Variants in E2F3 observed in about 807,000 individuals in gnomAD.
E2F3 encodes the protein E2F transcription factor 3, also known as transcription factor E2F3.
E2F3 carries 11 observed loss-of-function variants against 44.4 expected under a neutral mutation model. The observed-to-expected ratio is 0.25, with a 90% confidence interval of 0.16 to 0.41. The LOEUF is 0.41. Among genes scored for constraint, E2F3 ranks in the 10% least tolerant of loss-of-function variants. The pLI is 1.00. For missense variants in E2F3, 487 were observed against 583.6 expected (o/e 0.83, Z 1.70); for synonymous variants, 249 against 253.0 (o/e 0.98, Z 0.15).
chr6:20,463,782 C>T (rs1437114768), intron 1 of E2F3, among the ~76,000 whole-genome samples: 3 of 152,190 alleles, frequency 2.0e-5, no homozygotes, highest in African/African-American at 7.2e-5. Flanking sequence ...TTCAATTCTA[C>T]TTCATCTACC....
chr6:20,416,325 A>AT (rs1268866387), intron 1 of E2F3, among the ~76,000 whole-genome samples: 75 of 152,078 alleles, frequency 4.9e-4, no homozygotes, highest in Non-Finnish European at 1.0e-4. Flanking sequence ...CGGCTGACCC[A>AT]TTTATTTAGC....
chr6:20,436,488 G>C (rs553039506), intron 1 of E2F3, among the ~76,000 whole-genome samples: 3,845 of 134,032 alleles, frequency 0.029, 162 homozygotes, highest in African/African-American at 0.093. Context: ...CAGAGAGAGA[G>C]AGAGAGAAAA....
At chr6:20,474,887 G>C (rs1761998918) in intron 1 of E2F3, among the ~76,000 whole-genome samples, 1 of 152,200 alleles carries the variant, frequency 6.6e-6, no homozygotes, top group Admixed American at 6.5e-5. Context: ...ACTCAACAGG[G>C]GAGGAAAAAT....
At chr6:20,433,904 A>C (rs1416192049) in intron 1 of E2F3, among the ~76,000 whole-genome samples, 3 of 152,206 alleles carry the variant, frequency 2.0e-5, no homozygotes, top group Non-Finnish European at 4.4e-5. Flanking sequence ...CATGTTAATG[A>C]AGATTCCTAT....
intron 1 of E2F3, among the ~76,000 whole-genome samples, chr6:20,459,844 A>G (rs763623482): frequency 9.2e-5 from 14 of 152,084 alleles, no homozygotes; most frequent in Non-Finnish European, 1.9e-4. Flanking sequence ...TGGGGGGTCG[A>G]GGTGAGAAGA....
chr6:20,447,841 T>C (rs556891831), intron 1 of E2F3, among the ~76,000 whole-genome samples: 1 of 152,294 alleles, frequency 6.6e-6, no homozygotes, highest in South Asian at 2.1e-4. Context: ...CTCCAGTTCA[T>C]GTGTGCTGGA....
chr6:20,461,462 C>G (rs554614385), intron 1 of E2F3, among the ~76,000 whole-genome samples: 2 of 152,310 alleles, frequency 1.3e-5, no homozygotes, highest in East Asian at 3.9e-4. Flanking sequence ...CCACTGCACT[C>G]CAGCCTGGGC....
At chr6:20,425,539 C>T (rs1581586190) in intron 1 of E2F3, among the ~76,000 whole-genome samples, 1 of 152,188 alleles carries the variant, frequency 6.6e-6, no homozygotes, top group African/African-American at 2.4e-5. Context: ...CAGGCGTACG[C>T]CACAATGCCT....
intron 1 of E2F3, chr6:20,437,814 T>C (rs557168028): frequency 6.6e-6 from 1 of 152,196 alleles, no homozygotes; most frequent in Non-Finnish European, 1.5e-5. Flanking sequence ...TTTAACTGGT[T>C]AGGAAGCAGA....
At chr6:20,470,607 C>T (rs535543211) in intron 1 of E2F3, among the ~76,000 whole-genome samples, 95 of 152,294 alleles carry the variant, frequency 6.2e-4, no homozygotes, top group Middle Eastern at 6.8e-3. Flanking sequence ...TATTTTATTT[C>T]ATTTTCCTTC....
In E2F3 at chr6:20,486,792, G is replaced by C. The variant is rs1762407503; in HGVS notation, c.988G>C (p.Asp330His). The C allele has an allele frequency of 6.2e-7, 1 of 1,609,214 alleles. No homozygotes were observed. The highest frequency in any genetic ancestry group is 8.5e-7 in the Non-Finnish European group (1 of 1,176,482). The part of the protein sequence containing the change: ...APPETRLEVP[D>H]SIESLQIHLA... ...TCCAGAAACAAGACTTGAAGTGCCT[G>C]ACTCAATAGAGGTAAGGAGACAGCG... Residue 330 changes from aspartate (D) to histidine (H), a missense_variant, in exon 5 of 7, where the codon GAC (aspartate) becomes CAC (histidine). Transcript: ENST00000346618.
In E2F3 at chr6:20,402,265, G is replaced by T; in HGVS notation, c.33G>T (p.Gln11His). 1.2e-6 allele frequency: 2 copies of T among 1,607,594 alleles called. No individual in the cohort carries two copies. The highest frequency in any genetic ancestry group is 1.7e-6 in the Non-Finnish European group (2 of 1,178,382). MRKGIQPALE[Q>H]YLVTAGGGEG... ...AGGGAATCCAGCCCGCTCTGGAGCA[G>T]TACCTGGTGACCGCCGGGGGTGGGG... The change falls in exon 1 of 7, where the codon CAG becomes CAT. Residue 11 changes from glutamine to histidine, a missense_variant. Gln to His is a conservative substitution (Grantham distance 24). Transcript: ENST00000346618. This position sits in a 1 kb window ranked among gnomAD's most constrained non-coding sequence, Gnocchi z 5.6.
At position 20,401,955 on chromosome 6, in the gene E2F3, G is replaced by A. The variant is rs1759317611; in HGVS notation, c.-278G>A. On this transcript the variant is annotated 5_prime_UTR_variant, in exon 1 of 7. Coordinates refer to ENST00000346618, the MANE Select transcript of E2F3 (RefSeq NM_001949.5). ...GCACCCGGGCTGCCGCCGCCGCCTC[G>A]CAATCCGTTGCATCGGCCGCCCCCG... 8.8e-6 allele frequency: 3 copies of A among 341,686 alleles called. No homozygotes were observed. The highest frequency in any genetic ancestry group is 2.2e-5 in the African/African-American group (1 of 46,344). 21.2% of individuals were successfully genotyped at this position (341,686 alleles called of 1,614,324 possible).
chr6:20,453,409 G>GT (rs1761198923), intron 1 of E2F3, among the ~76,000 whole-genome samples: 1 of 151,168 alleles, frequency 6.6e-6, no homozygotes, highest in Non-Finnish European at 1.5e-5. Flanking sequence ...CAAGTTTTTT[G>GT]TTTTTGTTTT....
chr6:20,445,778 G>T (rs1031735689), intron 1 of E2F3, among the ~76,000 whole-genome samples: 2 of 152,156 alleles, frequency 1.3e-5, no homozygotes, highest in African/African-American at 4.8e-5. Context: ...TCCAAAATAC[G>T]TACAATGTTA....
rs1324427596 is a variant in E2F3, at chr6:20,402,076, T to C, written c.-157T>C. The stretch of plus-strand genomic sequence containing the variant: ...TTTTTGGCCCCCGGGGCCTGTGCGG[T>C]GCGGAAAAATAAAAAGAAAAGAGAG... On this transcript the variant is annotated 5_prime_UTR_variant, in exon 1 of 7. Coordinates refer to ENST00000346618, the MANE Select transcript of E2F3 (RefSeq NM_001949.5). The surrounding 1 kb of genome is among the most constrained non-coding windows in gnomAD (Gnocchi z 5.6). 1.6e-5 allele frequency: 20 copies of C among 1,290,194 alleles called. No homozygotes were observed. The highest frequency in any genetic ancestry group is 1.9e-5 in the Non-Finnish European group (19 of 989,620). 79.9% of individuals were successfully genotyped at this position (1,290,194 alleles called of 1,614,324 possible).
At chr6:20,489,907 C>G (rs1164494136) in intron 6 of E2F3, among the ~76,000 whole-genome samples, 1 of 152,128 alleles carries the variant, frequency 6.6e-6, no homozygotes, top group African/African-American at 2.4e-5. Context: ...AAGTTCAAGA[C>G]TGCAGTGAGT....
intron 1 of E2F3, among the ~76,000 whole-genome samples, chr6:20,459,328 G>T (rs1216279433): frequency 6.6e-6 from 1 of 152,136 alleles, no homozygotes; most frequent in Non-Finnish European, 1.5e-5. Context: ...AAGAACAGCA[G>T]GAGGAATGAA....
chr6:20,485,674 C>G (rs966249428), intron 4 of E2F3, among the ~76,000 whole-genome samples: 2 of 152,206 alleles, frequency 1.3e-5, no homozygotes, highest in African/African-American at 4.8e-5. Flanking sequence ...AGTCGCAGAG[C>G]ACCTGGAAAC....
Sources: gnomAD v4.1 joint callset for allele counts (sites outside exome capture counted in the v4.1 genomes callset) on GRCh38, gnomAD v4.1.1 for gene constraint, Gnocchi (gnomAD v3.1) non-coding constraint, MANE v1.5 for transcripts, NCBI Gene and HGNC (gene_info 2026-07-23, HGNC 2026-07-21) for gene names.